Variants in LDLRAD4 observed in about 807,000 individuals in gnomAD.
The protein encoded by LDLRAD4 is low-density lipoprotein receptor class A domain-containing protein 4.
In LDLRAD4, 5 loss-of-function variants were observed where a neutral mutation model predicts 17.0. That is an observed-to-expected ratio of 0.29 (90% CI 0.15 to 0.62). The LOEUF (loss-of-function observed/expected upper bound fraction) is 0.62. Among genes scored for constraint, LDLRAD4 ranks in the 20% least tolerant of loss-of-function variants. The pLI, the probability that LDLRAD4 is intolerant of heterozygous loss-of-function variation, is 0.84. For synonymous variants in LDLRAD4, 168 were observed against 171.8 expected (o/e 0.98, Z 0.17); for missense variants, 340 against 424.7 (o/e 0.80, Z 1.75).
At chr18:13,413,093 C>T (rs973796919) in intron 2 of LDLRAD4, among the ~76,000 whole-genome samples, 2 of 152,188 alleles carry the variant, frequency 1.3e-5, no homozygotes, top group African/African-American at 4.8e-5. Context: ...TTGCTGTCTT[C>T]TCATGTTTCC....
intron 2 of LDLRAD4, among the ~76,000 whole-genome samples, chr18:13,406,407 C>T (rs1184924407): frequency 6.6e-6 from 1 of 152,188 alleles, no homozygotes; most frequent in Non-Finnish European, 1.5e-5. Flanking sequence ...GTGACATGTG[C>T]AGTGCTCCCT....
chr18:13,492,249 C>T (rs1005620418), intron 3 of LDLRAD4, among the ~76,000 whole-genome samples: 3 of 152,208 alleles, frequency 2.0e-5, no homozygotes, highest in African/African-American at 7.2e-5. Context: ...AGGACTCATC[C>T]ACCCCAGTGC....
rs554212318 is a variant in LDLRAD4 at position 13,294,413 on chromosome 18, T to A, written c.-383+16225T>A. Among the ~76,000 whole-genome samples the A allele has an allele frequency of 7.2e-5, 11 of 152,338 alleles. No homozygotes were observed. In the East Asian group the frequency reaches 2.1e-3, roughly 29 times the overall value. ...CTCGACCTGAATGCATGGCAAGGCA[T>A]TTTTGTCATCAAAAGGATGAGGTCT... is the stretch of plus-strand genomic sequence containing the variant. On this transcript the variant is annotated intron_variant, in intron 1 of 5. Transcript: ENST00000359446.
At chr18:13,411,475 TC>T (rs2088352807) in intron 2 of LDLRAD4, among the ~76,000 whole-genome samples, 1 of 152,234 alleles carries the variant, frequency 6.6e-6, no homozygotes. Flanking sequence ...AATTGTAGTT[TC>T]CATAATTCCC....
intron 1 of LDLRAD4, among the ~76,000 whole-genome samples, chr18:13,243,665 C>T (rs1213608814): frequency 1.3e-5 from 2 of 150,164 alleles, no homozygotes; most frequent in East Asian, 2.0e-4. Flanking sequence ...CCCATCCATC[C>T]GTCTACCCAT....
intron 2 of LDLRAD4, among the ~76,000 whole-genome samples, chr18:13,388,207 A>G (rs1312151646): frequency 6.6e-6 from 1 of 152,178 alleles, no homozygotes; most frequent in East Asian, 1.9e-4. Context: ...GCTTGGGGCA[A>G]CTGGGCAGAA....
intron 3 of LDLRAD4, among the ~76,000 whole-genome samples, chr18:13,552,112 A>G (rs2094440475): frequency 1.3e-5 from 2 of 152,096 alleles, no homozygotes; most frequent in Admixed American, 1.3e-4. Context: ...AGAGGATCTC[A>G]TTTCACATGA....
chr18:13,303,547 G>A (rs2046732602), intron 1 of LDLRAD4, among the ~76,000 whole-genome samples: 1 of 151,826 alleles, frequency 6.6e-6, no homozygotes, highest in South Asian at 2.1e-4. Flanking sequence ...GCCTGGGCTG[G>A]TCTCAAACTC....
chr18:13,394,669 T>A (rs370617941), intron 2 of LDLRAD4, among the ~76,000 whole-genome samples: 24 of 152,250 alleles, frequency 1.6e-4, no homozygotes, highest in African/African-American at 5.8e-4. Context: ...GTGTTAGGGC[T>A]GATAGCACAG....
At chr18:13,408,373 C>CAAAAA (rs1409612495) in intron 2 of LDLRAD4, among the ~76,000 whole-genome samples, 1 of 51,904 alleles carries the variant, frequency 1.9e-5, no homozygotes, top group Non-Finnish European at 4.4e-5. Flanking sequence ...GACCCTGTCT[C>CAAAAA]AAAAAAAAAA....
intron 3 of LDLRAD4, among the ~76,000 whole-genome samples, chr18:13,573,257 A>G: frequency 6.6e-6 from 1 of 151,828 alleles, no homozygotes; most frequent in East Asian, 1.9e-4. Flanking sequence ...GGTACCCACC[A>G]CCACGCCCCA....
intron 3 of LDLRAD4, among the ~76,000 whole-genome samples, chr18:13,518,549 T>G (rs1428298604): frequency 1.3e-5 from 2 of 152,248 alleles, no homozygotes; most frequent in African/African-American, 4.8e-5. Context: ...AAACTTCCCG[T>G]GTTTATGCTG....
chr18:13,453,287 G>A (rs2091945823), intron 3 of LDLRAD4, among the ~76,000 whole-genome samples: 1 of 152,130 alleles, frequency 6.6e-6, no homozygotes, highest in African/African-American at 2.4e-5. Context: ...GTGAACTTGG[G>A]GTGTGAGGTT....
At chr18:13,304,323 G>C (rs745409362) in intron 1 of LDLRAD4, among the ~76,000 whole-genome samples, 8 of 152,216 alleles carry the variant, frequency 5.3e-5, no homozygotes, top group African/African-American at 9.7e-5. Context: ...GGAGGAGGAG[G>C]AGTTAGTTTT....
intron 1 of LDLRAD4, among the ~76,000 whole-genome samples, chr18:13,229,855 A>T (rs928784446): frequency 5.3e-5 from 8 of 152,188 alleles, no homozygotes; most frequent in Admixed American, 2.6e-4. Flanking sequence ...AGGGCTAACA[A>T]CCATACCAGG....
At chr18:13,248,372 C>T (rs1383835934) in intron 1 of LDLRAD4, among the ~76,000 whole-genome samples, 1 of 152,220 alleles carries the variant, frequency 6.6e-6, no homozygotes, top group African/African-American at 2.4e-5. Flanking sequence ...GCCCAGGGTC[C>T]AGTGTCACCT....
chr18:13,577,073 T>C (rs1373678408), intron 3 of LDLRAD4, among the ~76,000 whole-genome samples: 6 of 78,146 alleles, frequency 7.7e-5, no homozygotes, highest in African/African-American at 2.5e-4. Flanking sequence ...TTATTTGCGG[T>C]TTAGCATTTT....
intron 2 of LDLRAD4, 28 bp from the exon 4 acceptor site, chr18:13,438,216 C>T (rs2090793923): frequency 1.9e-6 from 3 of 1,609,010 alleles, no homozygotes; most frequent in Non-Finnish European, 2.6e-6. Flanking sequence ...GCATTGACTG[C>T]TCCATGCTTT....
intron 4 of LDLRAD4, among the ~76,000 whole-genome samples, chr18:13,633,431 C>T (rs1230716835): frequency 6.6e-6 from 1 of 152,212 alleles, no homozygotes; most frequent in Non-Finnish European, 1.5e-5. Context: ...CTCCTGCTGC[C>T]ATCAGTCATG....
Sources: allele counts gnomAD v4.1 joint callset (sites outside exome capture counted in the v4.1 genomes callset), GRCh38; gene constraint gnomAD v4.1.1; transcripts MANE v1.5; gene names NCBI Gene and HGNC (gene_info 2026-07-23, HGNC 2026-07-21).